The following ARVCF variants were observed in gnomAD, a reference collection of about 807,000 sequenced individuals.
ARVCF encodes splicing regulator ARVCF.
ARVCF carries 66 observed loss-of-function variants against 90.9 expected under a neutral mutation model. The ratio of observed to expected loss-of-function variants is 0.73; its 90% CI spans 0.60 to 0.89. The LOEUF (loss-of-function observed/expected upper bound fraction) is 0.89, where lower values mean the gene tolerates loss of function less well. ARVCF is among the 40% of genes least tolerant of loss of function. ARVCF has a pLI of 0.00. For missense variants in ARVCF, 1,469 were observed against 1,382.3 expected (o/e 1.06, Z -1.00); for synonymous variants, 653 against 603.4 (o/e 1.08, Z -1.21).
chr22:19,978,239 A>G (rs1255865355), intron 7 of ARVCF, among the ~76,000 whole-genome samples, 164 bp from the exon 8 acceptor site: 2 of 152,174 alleles, frequency 1.3e-5, no homozygotes, highest in Non-Finnish European at 2.9e-5. Flanking sequence ...AAGGGGGAGA[A>G]GCTAACTGCC....
chr22:19,986,928 C>T, intron 3 of ARVCF: 1 of 518,196 alleles, frequency 1.9e-6, no homozygotes, highest in Non-Finnish European at 3.5e-6. Flanking sequence ...CCCAGCCTGA[C>T]GCAGCCCAGC....
At position 19,978,927 on chromosome 22, in the gene ARVCF, G is replaced by C. The variant is rs1943319346; in HGVS notation, c.1550C>G (p.Thr517Ser). The C allele has an allele frequency of 6.2e-7, 1 of 1,612,912 alleles. No individual in the cohort carries two copies. Among genetic ancestry groups the C allele is most frequent in the African/African-American group, 1.3e-5 (1 of 75,026 alleles). Residue 517 changes from threonine (T) to serine (S), a missense_variant, in exon 7 of 20, where the codon ACT becomes AGT. By Grantham distance (58) the Thr-to-Ser change is moderately conservative. Coordinates refer to ENST00000263207, the MANE Select transcript of ARVCF (RefSeq NM_001670.3). Reference sequence around the variant, plus strand: ...GCAGCCCGACGTGTTCTTGAAGACAGTTGTCCACTCGGCGTCCCGTGGCTT... The same window carrying C: ...GCAGCCCGACGTGTTCTTGAAGACACTTGTCCACTCGGCGTCCCGTGGCTT... ...DSKPRDAEWTTVFKNTSGCLR... is the reference protein window; with the variant it reads ...DSKPRDAEWTSVFKNTSGCLR...
chr22:19,969,890 A>G (rs1298002324), downstream of ARVCF: 2 of 985,480 alleles, frequency 2.0e-6, no homozygotes, highest in Non-Finnish European at 2.4e-6. Flanking sequence ...GGCAGAAAGC[A>G]AAAAGTTCCT....
chr22:19,968,749 C>G (rs754031677), downstream of ARVCF: 8 of 1,577,326 alleles, frequency 5.1e-6, no homozygotes, highest in Non-Finnish European at 6.1e-6. Context: ...GCCCCCCCGG[C>G]CCCCCTCTCG....
At chr22:19,973,889 C>CG in intron 12 of ARVCF, 96 bp from the exon 13 acceptor site, 1 of 1,515,858 alleles carries the variant, frequency 6.6e-7, no homozygotes, top group Non-Finnish European at 8.8e-7. Flanking sequence ...CTTCCTGCTC[C>CG]CGTGCCCGAC....
downstream of ARVCF, chr22:19,968,502 C>T (rs1942550644): frequency 1.9e-6 from 3 of 1,602,768 alleles, no homozygotes; most frequent in Admixed American, 1.7e-5. Context: ...GCACCTCTGA[C>T]CCTCACCTCC....
intron 2 of ARVCF, among the ~76,000 whole-genome samples, chr22:20,005,636 G>A (rs964555926): frequency 6.6e-6 from 1 of 152,022 alleles, no homozygotes; most frequent in African/African-American, 2.4e-5. Flanking sequence ...TGGCTAGCAC[G>A]GTGAAACCCC....
rs1943537484 is a variant in ARVCF at position 19,982,073 on chromosome 22, G to A, written c.229C>T (p.Gln77Ter). ...TCCGGCATCGTGGCCAGTGAGGCCT[G>A]GCTGCCTGGGCTCTGCTCCTGGGGC... ...LVLQEQSPGSQASLATMPEAP... is the reference protein window; with the variant it reads ...LVLQEQSPGS The change falls in exon 4 of 20, where the codon CAG (glutamine) becomes TAG (stop). Residue 77 changes from glutamine (Q) to a stop codon, truncating the protein, a stop_gained. Coordinates refer to ENST00000263207, the MANE Select transcript of ARVCF (RefSeq NM_001670.3). LOFTEE classifies it high-confidence loss of function. 1 of 1,611,846 alleles carries A rather than the reference G, an allele frequency of 6.2e-7. No homozygotes were observed. Among genetic ancestry groups the A allele is most frequent in the African/African-American group, 1.3e-5 (1 of 74,932 alleles).
At position 19,970,669 on chromosome 22, in the gene ARVCF, T is replaced by G; in HGVS notation, c.*87A>C. On this transcript the variant is annotated 3_prime_UTR_variant, in exon 20 of 20. Coordinates refer to ENST00000263207, the MANE Select transcript of ARVCF (RefSeq NM_001670.3). The stretch of plus-strand genomic sequence containing the variant: ...CCCCTGCCGCCAGGGGGCTCCAAGC[T>G]CCACGGCACGATCTGCTCAGGGTGG... 1.6e-6 allele frequency: 2 copies of G among 1,285,254 alleles called. No homozygotes were observed. Among genetic ancestry groups the G allele is most frequent in the Non-Finnish European group, 2.0e-6 (2 of 986,914 alleles). 79.6% of individuals were successfully genotyped at this position (1,285,254 alleles called of 1,614,324 possible).
At chr22:20,012,085 C>T (rs1569200430) in intron 1 of ARVCF, among the ~76,000 whole-genome samples, 2 of 140,532 alleles carry the variant, frequency 1.4e-5, no homozygotes, top group East Asian at 3.9e-4. Context: ...AAAGTCCCCC[C>T]CCCCCACCCA....
intron 6 of ARVCF, 200 bp from the exon 7 acceptor site, chr22:19,979,280 G>C (rs1321603313): frequency 1.6e-6 from 1 of 622,580 alleles, no homozygotes; most frequent in African/African-American, 1.8e-5. Flanking sequence ...AGGGGAGGAG[G>C]TGCAGAGGAG....
Position 19,982,155 on chromosome 22 carries a change from CCA to C in ARVCF, c.211-66_211-65del, listed in dbSNP as rs1335355916. ...TCAGTCACCCCTGGAGTGCAGGTCTCCACACACAGCAGCTCTGCCTCAGCTCA... is the reference window on the plus strand; with the variant it reads ...TCAGTCACCCCTGGAGTGCAGGTCTCCACACAGCAGCTCTGCCTCAGCTCA... On this transcript the variant is annotated intron_variant, in intron 3 of 19. Transcript: ENST00000263207. 28 of 1,579,818 alleles carry C rather than the reference CCA, an allele frequency of 1.8e-5. No individual in the cohort carries two copies. In the Admixed American group the frequency reaches 1.9e-4, roughly 11 times the overall value.
chr22:19,992,136 G>T (rs1944052484), intron 2 of ARVCF, among the ~76,000 whole-genome samples: 1 of 152,232 alleles, frequency 6.6e-6, no homozygotes, highest in African/African-American at 2.4e-5. Flanking sequence ...TAGGTGAAGA[G>T]ACACTGTGGA....
At chr22:19,997,073 A>C (rs1346296533) in intron 2 of ARVCF, among the ~76,000 whole-genome samples, 1 of 152,160 alleles carries the variant, frequency 6.6e-6, no homozygotes, top group African/African-American at 2.4e-5. Flanking sequence ...GCCAAGACCA[A>C]AGCTACACTG....
At position 19,972,750 on chromosome 22, in the gene ARVCF, C is replaced by A. The variant is rs766675717; in HGVS notation, c.2628G>T (p.Val876=). Residue 876 remains valine (V), a synonymous_variant, in exon 16 of 20, where the codon GTG becomes GTT. Coordinates refer to ENST00000263207, the MANE Select transcript of ARVCF (RefSeq NM_001670.3). Reference sequence around the variant, plus strand: ...TCCACCACTCACCAAGGCTCTTGTCCACCAGTGGCAGCGTGCTGTCATCGA... The same window carrying A: ...TCCACCACTCACCAAGGCTCTTGTCAACCAGTGGCAGCGTGCTGTCATCGA... ...GGFDDSTLPL[V]DKSLEGEKTG... 6.2e-7 allele frequency: 1 copy of A among 1,611,508 alleles called. No homozygotes were observed.
At chr22:19,974,412 C>A (rs1348665853) in intron 11 of ARVCF, 173 bp from the exon 12 acceptor site, 3 of 771,354 alleles carry the variant, frequency 3.9e-6, no homozygotes, top group Admixed American at 3.7e-5. Flanking sequence ...AGGGGAAAAG[C>A]GTTCCCATTT....
intron 7 of ARVCF, among the ~76,000 whole-genome samples, chr22:19,978,580 G>A (rs1943295745): frequency 6.6e-6 from 1 of 152,122 alleles, no homozygotes; most frequent in Admixed American, 6.5e-5. Flanking sequence ...TGGCTGGGAT[G>A]AGCCTCCCAG....
Position 19,972,981 on chromosome 22 carries a change from A to G in ARVCF, c.2494T>C (p.Tyr832His), listed in dbSNP as rs1246800081. 1 of 1,613,706 alleles carries G rather than the reference A, an allele frequency of 6.2e-7. No homozygotes were observed. Among genetic ancestry groups the G allele is most frequent in the Non-Finnish European group, 8.5e-7 (1 of 1,180,008 alleles). ...ASHVLQTVWS[Y>H]KELRGTLQKD... ...TGCAAGGTACCACGCAGCTCCTTGT[A>G]GCTCCACACTGTCTGCAGCACGTGT... Residue 832 changes from tyrosine (Y) to histidine (H), a missense_variant, in exon 15 of 20, where the codon TAC becomes CAC. Physicochemically the swap from Tyr to His is moderately conservative, Grantham distance 83. Coordinates refer to ENST00000263207, the MANE Select transcript of ARVCF (RefSeq NM_001670.3).
At chr22:19,982,216 G>T in intron 3 of ARVCF, 125 bp from the exon 4 acceptor site, 1 of 1,337,678 alleles carries the variant, frequency 7.5e-7, no homozygotes, top group Non-Finnish European at 1.0e-6. Context: ...CTTCCTCCTG[G>T]TCCTGAACCC....
Sources: gnomAD v4.1 joint callset for allele counts (sites outside exome capture counted in the v4.1 genomes callset) on GRCh38, gnomAD v4.1.1 for gene constraint, MANE v1.5 for transcripts, NCBI Gene and HGNC (gene_info 2026-07-23, HGNC 2026-07-21) for gene names.